The following RBMS1 variants were observed in gnomAD, a reference collection of about 807,000 sequenced individuals.
RBMS1 encodes the protein RNA binding motif single stranded interacting protein 1.
In RBMS1, 17 loss-of-function variants were observed where a neutral mutation model predicts 62.3. That is an observed-to-expected ratio of 0.27 (90% CI 0.19 to 0.41). RBMS1 has a LOEUF of 0.41. Among genes scored for constraint, RBMS1 ranks in the 10% least tolerant of loss-of-function variants. RBMS1 has a pLI of 1.00. For synonymous variants in RBMS1, 172 were observed against 170.0 expected (o/e 1.01, Z -0.09); for missense variants, 334 against 504.5 (o/e 0.66, Z 3.24).
chr2:160,307,754 T>C (rs1241073670), intron 4 of RBMS1, among the ~76,000 whole-genome samples: 1 of 152,240 alleles, frequency 6.6e-6, no homozygotes, highest in East Asian at 1.9e-4. Flanking sequence ...TTTTATTTGA[T>C]CATCAACAAA....
chr2:160,333,927 TAAAAA>T (rs375353012), intron 2 of RBMS1, among the ~76,000 whole-genome samples: 56 of 147,814 alleles, frequency 3.8e-4, no homozygotes, highest in African/African-American at 1.2e-3. Context: ...CTAGTGAACT[TAAAAA>T]AAAAAGAGAT....
intron 1 of RBMS1, among the ~76,000 whole-genome samples, chr2:160,404,402 G>A (rs547782921): frequency 3.3e-5 from 5 of 152,170 alleles, no homozygotes; most frequent in South Asian, 4.1e-4. Flanking sequence ...TCGACCCTCC[G>A]TATAAAGAGG....
At chr2:160,387,261 C>G (rs1217268600) in intron 1 of RBMS1, among the ~76,000 whole-genome samples, 1 of 151,830 alleles carries the variant, frequency 6.6e-6, no homozygotes, top group Non-Finnish European at 1.5e-5. Context: ...TGGGAAAAGA[C>G]TGAGGCAAGT....
intron 2 of RBMS1, among the ~76,000 whole-genome samples, chr2:160,337,353 C>T (rs747905163): frequency 1.3e-5 from 2 of 151,886 alleles, no homozygotes; most frequent in Non-Finnish European, 2.9e-5. Flanking sequence ...AGGCTGGTCT[C>T]GAATTCCTGA....
chr2:160,394,169 A>G (rs1227732588), intron 1 of RBMS1, among the ~76,000 whole-genome samples: 1 of 152,184 alleles, frequency 6.6e-6, no homozygotes, highest in Non-Finnish European at 1.5e-5. Flanking sequence ...TTTAGATGGT[A>G]CAAGTGAACA....
intron 1 of RBMS1, among the ~76,000 whole-genome samples, chr2:160,390,449 G>A (rs537386760): frequency 4.6e-5 from 7 of 152,294 alleles, no homozygotes; most frequent in East Asian, 1.9e-4. Flanking sequence ...TCAACACTTC[G>A]GAAGGCCAAG....
intron 1 of RBMS1, among the ~76,000 whole-genome samples, chr2:160,412,162 A>G (rs1375601690): frequency 6.6e-6 from 1 of 152,254 alleles, no homozygotes; most frequent in Non-Finnish European, 1.5e-5. Flanking sequence ...AGCCACCAGT[A>G]CATGCAGAAG....
rs1257452177 is a variant in RBMS1, at chr2:160,361,600, T to C, written c.251+5616A>G. ...ATGTAAAAGTTATGTTTACACTATA[T>C]TGTAGCTTATTATGTAATAACATTA... On this transcript the variant is annotated intron_variant, in intron 2 of 13. Transcript: ENST00000348849. 2.6e-5 allele frequency among the ~76,000 whole-genome samples: 4 copies of C among 152,356 alleles called. No homozygotes were observed. In the East Asian group the frequency reaches 5.8e-4, roughly 22 times the overall value.
chr2:160,327,035 C>T (rs1365205184), intron 2 of RBMS1, among the ~76,000 whole-genome samples: 3 of 152,218 alleles, frequency 2.0e-5, no homozygotes, highest in Non-Finnish European at 4.4e-5. Context: ...TTCAGACAAT[C>T]CTCATGTGGT....
intron 6 of RBMS1, among the ~76,000 whole-genome samples, chr2:160,298,548 A>G (rs956556672): frequency 7.2e-5 from 11 of 152,166 alleles, no homozygotes; most frequent in African/African-American, 1.9e-4. Context: ...CAAAAGAGAA[A>G]GGATTAACAC....
chr2:160,365,404 G>C (rs1360936819), intron 2 of RBMS1, among the ~76,000 whole-genome samples: 6 of 152,184 alleles, frequency 3.9e-5, no homozygotes, highest in Non-Finnish European at 8.8e-5. Context: ...ATAGCAAGGA[G>C]AGTAATGTTT....
At chr2:160,478,877 G>C (rs1023751379) in intron 1 of RBMS1, among the ~76,000 whole-genome samples, 2 of 152,214 alleles carry the variant, frequency 1.3e-5, no homozygotes, top group Non-Finnish European at 2.9e-5. Flanking sequence ...AAGCCTAATT[G>C]TATGATGATT....
At position 160,279,041 on chromosome 2, in the gene RBMS1, T is replaced by TA. The variant is rs538664938; in HGVS notation, c.952-384dup. ...TGCCTAGGGTTACAAAACGCTTTCT[T>TA]AAAAAAAAATCTGGAAAAAAAAGGC... On this transcript the variant is annotated intron_variant, in intron 10 of 13. Transcript: ENST00000348849. 879 of 160,302 alleles carry TA rather than the reference T, an allele frequency of 5.5e-3. 6 individuals carry two copies. The highest frequency in any genetic ancestry group is 0.035 in the Middle Eastern group (11 of 310). The allele number at this position is 160,302 out of a possible 1,614,324, so 9.9% of individuals were successfully genotyped here.
intron 1 of RBMS1, among the ~76,000 whole-genome samples, chr2:160,371,121 C>A (rs762532288): frequency 4.6e-5 from 7 of 152,138 alleles, no homozygotes; most frequent in Non-Finnish European, 8.8e-5. Flanking sequence ...GATTAAAATG[C>A]AAATACTGAC....
intron 1 of RBMS1, among the ~76,000 whole-genome samples, chr2:160,419,789 G>C (rs2105267070): frequency 6.6e-6 from 1 of 152,154 alleles, no homozygotes; most frequent in South Asian, 2.1e-4. Context: ...TTTTCCTCAT[G>C]AATCTCTCCT....
intron 1 of RBMS1, among the ~76,000 whole-genome samples, chr2:160,395,302 C>G (rs954828782): frequency 2.0e-5 from 3 of 152,192 alleles, no homozygotes; most frequent in East Asian, 3.9e-4. Context: ...AGGAAAGCAG[C>G]TTTGAACAAT....
chr2:160,284,872 G>C lies in RBMS1; in HGVS notation c.807-4C>G. 2.5e-6 allele frequency: 4 copies of C among 1,594,756 alleles called. No individual in the cohort carries two copies. The highest frequency in any genetic ancestry group is 1.1e-5 in the South Asian group (1 of 90,142). On this transcript the variant is annotated splice_polypyrimidine_tract_variant and splice_region_variant and intron_variant, in intron 8 of 13. Coordinates refer to ENST00000348849, the MANE Select transcript of RBMS1 (RefSeq NM_016836.4). The stretch of plus-strand genomic sequence containing the variant: ...ACTGTATGGTGAAGGATAAAATCTA[G>C]AACAAACACAAAAGCCTTTATTAAG...
rs1173679287 is a variant in RBMS1, at chr2:160,493,434, C to A, written c.-71G>T. On this transcript the variant is annotated 5_prime_UTR_variant, in exon 1 of 14. The change creates a new upstream start codon in the 5' untranslated region. Transcript: ENST00000348849. ...GTTTCCAAGTCTCGGGCTCTCCTGCCTCTCCCTTTCCGGCGGCGGCGGCAG... is the reference window on the plus strand; with the variant it reads ...GTTTCCAAGTCTCGGGCTCTCCTGCATCTCCCTTTCCGGCGGCGGCGGCAG... The A allele has an allele frequency of 6.8e-7, 1 of 1,475,384 alleles. No individual in the cohort carries two copies. Among genetic ancestry groups the A allele is most frequent in the Non-Finnish European group, 9.4e-7 (1 of 1,060,748 alleles). 91.4% of individuals were successfully genotyped at this position (1,475,384 alleles called of 1,614,324 possible).
At chr2:160,357,147 CA>C (rs1427067278) in intron 2 of RBMS1, among the ~76,000 whole-genome samples, 2 of 152,030 alleles carry the variant, frequency 1.3e-5, no homozygotes, top group Non-Finnish European at 2.9e-5. Context: ...TACAGAAATC[CA>C]AGGCTCATAT....
Sources: allele counts gnomAD v4.1 joint callset (sites outside exome capture counted in the v4.1 genomes callset), GRCh38; gene constraint gnomAD v4.1.1; transcripts MANE v1.5; gene names NCBI Gene and HGNC (gene_info 2026-07-23, HGNC 2026-07-21).